TDRD3: variants seen among roughly 807,000 people sequenced by gnomAD.
TDRD3 encodes the protein tudor domain containing 3.
In TDRD3, 45 loss-of-function variants were observed where a neutral mutation model predicts 86.7. That is an observed-to-expected ratio of 0.52 (90% CI 0.41 to 0.67). TDRD3 has a LOEUF of 0.67. Among genes scored for constraint, TDRD3 ranks in the 30% least tolerant of loss-of-function variants. The probability of loss-of-function intolerance (pLI) is 0.00; values close to 1 mark genes in which losing one functional copy is unlikely to be tolerated. For synonymous variants in TDRD3, 298 were observed against 301.7 expected (o/e 0.99, Z 0.13); for missense variants, 814 against 889.0 (o/e 0.92, Z 1.07).
intron 10 of TDRD3, among the ~76,000 whole-genome samples, chr13:60,521,222 A>T (rs1046284089): frequency 1.3e-5 from 2 of 152,192 alleles, no homozygotes; most frequent in African/African-American, 4.8e-5. Context: ...TTCTATTTCA[A>T]TCTTGCACCC....
intron 10 of TDRD3, among the ~76,000 whole-genome samples, chr13:60,514,988 A>G (rs1363845219): frequency 1.3e-5 from 2 of 152,186 alleles, no homozygotes; most frequent in African/African-American, 4.8e-5. Flanking sequence ...ACAGGGAAGT[A>G]GATTGATTTT....
chr13:60,563,856 GT>G (rs1171753309), intron 12 of TDRD3, among the ~76,000 whole-genome samples: 5 of 152,172 alleles, frequency 3.3e-5, no homozygotes, highest in Admixed American at 3.3e-4. Context: ...TTTTGTCTGT[GT>G]TCTCACTCCA....
chr13:60,560,936 G>A (rs1009461639), intron 12 of TDRD3, among the ~76,000 whole-genome samples: 1 of 152,062 alleles, frequency 6.6e-6, no homozygotes, highest in African/African-American at 2.4e-5. Context: ...TCTTCAATTA[G>A]CATTTTTTTC....
intron 10 of TDRD3, among the ~76,000 whole-genome samples, chr13:60,520,104 G>A (rs1213732382): frequency 6.6e-6 from 1 of 151,930 alleles, no homozygotes; most frequent in Non-Finnish European, 1.5e-5. Context: ...TTTGAACACT[G>A]GGCATCATAA....
chr13:60,547,605 T>G (rs1249138758), intron 12 of TDRD3: 1 of 164,882 alleles, frequency 6.1e-6, no homozygotes, highest in Admixed American at 6.5e-5. Flanking sequence ...ATATAAATTC[T>G]TATTATCATA....
intron 8 of TDRD3, 137 bp downstream of exon 8, chr13:60,494,712 AT>A: frequency 2.9e-6 from 2 of 700,124 alleles, no homozygotes; most frequent in Non-Finnish European, 4.2e-6. Context: ...TTCATTAAGG[AT>A]TACAATTAAA....
intron 1 of TDRD3, among the ~76,000 whole-genome samples, chr13:60,410,607 G>T (rs1350556680): frequency 6.6e-6 from 1 of 152,114 alleles, no homozygotes; most frequent in African/African-American, 2.4e-5. Flanking sequence ...TTTTCTCTAG[G>T]CTGCCTGCTG....
intron 3 of TDRD3, among the ~76,000 whole-genome samples, chr13:60,449,281 ATATT>A (rs1276073144): frequency 2.0e-5 from 3 of 152,290 alleles, no homozygotes; most frequent in African/African-American, 7.2e-5. Flanking sequence ...AGTGAGCTAT[ATATT>A]AAAATTAAAC....
intron 1 of TDRD3, among the ~76,000 whole-genome samples, chr13:60,416,939 T>C (rs1954531742): frequency 6.6e-6 from 1 of 152,148 alleles, no homozygotes; most frequent in African/African-American, 2.4e-5. Context: ...TTTTCTTAGT[T>C]TCCTTATTGG....
At chr13:60,492,574 G>A (rs1237607746) in intron 7 of TDRD3, among the ~76,000 whole-genome samples, 1 of 152,204 alleles carries the variant, frequency 6.6e-6, no homozygotes, top group African/African-American at 2.4e-5. Context: ...CAAAGCCTAT[G>A]TGCTTAACTG....
intron 12 of TDRD3, among the ~76,000 whole-genome samples, chr13:60,542,646 A>G (rs947516550): frequency 2.6e-5 from 4 of 152,170 alleles, no homozygotes; most frequent in African/African-American, 9.7e-5. Flanking sequence ...CTTATGATAC[A>G]TATTTGATTG....
At chr13:60,526,965 G>A (rs1200868204) in intron 10 of TDRD3, among the ~76,000 whole-genome samples, 1 of 152,002 alleles carries the variant, frequency 6.6e-6, no homozygotes, top group East Asian at 1.9e-4. Flanking sequence ...TTTCCAGGTA[G>A]CTGAGATTAC....
Position 60,569,570 on chromosome 13 carries a change from AT to A in TDRD3, c.*9+1921del, listed in dbSNP as rs199600596. Among the ~76,000 whole-genome samples, 1,101 of 152,266 alleles carry A rather than the reference AT, an allele frequency of 7.2e-3. 13 individuals carry two copies. Among genetic ancestry groups the A allele is most frequent in the African/African-American group, 0.025 (1,041 of 41,566 alleles). On this transcript the variant is annotated intron_variant, in intron 13 of 13. Coordinates refer to ENST00000377881, the MANE Select transcript of TDRD3 (RefSeq NM_001146070.2). ...GACATCCTTCATATAAATAGAAAAAATAATTCTAAAATTTATATGGAACCAC... is the reference window on the plus strand; with the variant it reads ...GACATCCTTCATATAAATAGAAAAAAAATTCTAAAATTTATATGGAACCAC...
At chr13:60,560,447 T>G (rs1172222220) in intron 12 of TDRD3, among the ~76,000 whole-genome samples, 1 of 152,218 alleles carries the variant, frequency 6.6e-6, no homozygotes, top group Non-Finnish European at 1.5e-5. Flanking sequence ...TTTTTTGTAC[T>G]ATATTCTGAT....
intron 3 of TDRD3, among the ~76,000 whole-genome samples, chr13:60,453,957 T>C (rs751331984): frequency 2.8e-4 from 42 of 152,196 alleles, no homozygotes; most frequent in Admixed American, 5.2e-4. Flanking sequence ...CTTCTAGCAC[T>C]GATTTAACTA....
chr13:60,481,625 C>T lies in TDRD3; in HGVS notation c.496-2150C>T, dbSNP rs998582129. Among the ~76,000 whole-genome samples the T allele has an allele frequency of 4.0e-5, 6 of 151,630 alleles. No individual in the cohort carries two copies. In the East Asian group the frequency reaches 9.7e-4, roughly 24 times the overall value. Reference sequence around the variant, plus strand: ...CTTCTTTTTTTTGTATTTTTCTTTACTAGTTGAATTTATGTTTTCTTTTAA... The same window carrying T: ...CTTCTTTTTTTTGTATTTTTCTTTATTAGTTGAATTTATGTTTTCTTTTAA... On this transcript the variant is annotated intron_variant, in intron 5 of 13. Transcript: ENST00000377881.
intron 1 of TDRD3, 25 bp downstream of exon 1, chr13:60,397,430 C>CCGGGCCGCGGGTG (rs1388300977): frequency 6.8e-7 from 1 of 1,479,628 alleles, no homozygotes; most frequent in East Asian, 2.8e-5. Context: ...CCGCCGGCTG[C>CCGGGCCGCGGGTG]CGGGCCGCGG....
intron 5 of TDRD3, 111 bp downstream of exon 5, chr13:60,467,490 A>G (rs1398928243): frequency 8.4e-7 from 1 of 1,185,512 alleles, no homozygotes; most frequent in African/African-American, 1.6e-5. Context: ...AGTTGAATAG[A>G]ATGGAATATG....
At chr13:60,463,785 A>C (rs1469606190) in intron 4 of TDRD3, among the ~76,000 whole-genome samples, 1 of 152,172 alleles carries the variant, frequency 6.6e-6, no homozygotes, top group Non-Finnish European at 1.5e-5. Context: ...CTAAAACTAC[A>C]ATGAGAGATC....
Sources: allele counts gnomAD v4.1 joint callset (sites outside exome capture counted in the v4.1 genomes callset), GRCh38; gene constraint gnomAD v4.1.1; transcripts MANE v1.5; gene names NCBI Gene and HGNC (gene_info 2026-07-23, HGNC 2026-07-21).